PLEKHG4B: variants seen among roughly 807,000 people sequenced by gnomAD.
The protein encoded by PLEKHG4B is pleckstrin homology and RhoGEF domain containing G4B, also known as pleckstrin homology domain-containing family G member 4B.
Under a neutral mutation model 121.3 loss-of-function variants are expected in PLEKHG4B, and 111 were observed. That is an observed-to-expected ratio of 0.92 (90% CI 0.78 to 1.07). PLEKHG4B has a LOEUF of 1.07. Among genes scored for constraint, PLEKHG4B ranks in the 50% least tolerant of loss-of-function variants. PLEKHG4B has a pLI of 0.00. For missense variants in PLEKHG4B, 1,831 were observed against 1,757.8 expected, an observed-to-expected ratio of 1.04 and a Z score of -0.74; for synonymous variants, 738 against 725.0, an observed-to-expected ratio of 1.02 and a Z score of -0.29.
At chr5:169,840 G>A (rs1312245794) in intron 14 of PLEKHG4B, among the ~76,000 whole-genome samples, 1 of 152,218 alleles carries the variant, frequency 6.6e-6, no homozygotes, top group African/African-American at 2.4e-5. Flanking sequence ...CCTGGAGGCG[G>A]AGGCTCACAG....
At chr5:128,849 C>G (rs1033111766) in intron 2 of PLEKHG4B, among the ~76,000 whole-genome samples, 7 of 152,146 alleles carry the variant, frequency 4.6e-5, no homozygotes, top group Non-Finnish European at 1.0e-4. Flanking sequence ...AACAGACCCC[C>G]TCTCCCTTGG....
At chr5:120,972 T>A (rs1193779668) in intron 2 of PLEKHG4B, among the ~76,000 whole-genome samples, 1 of 152,086 alleles carries the variant, frequency 6.6e-6, no homozygotes, top group Non-Finnish European at 1.5e-5. Flanking sequence ...ATGGGCCAGG[T>A]GTGGTGGCTC....
intron 2 of PLEKHG4B, among the ~76,000 whole-genome samples, chr5:123,953 AT>A (rs1178862805): frequency 2.0e-5 from 3 of 149,962 alleles, no homozygotes; most frequent in Non-Finnish European, 4.5e-5. Context: ...TAGGTTGTTG[AT>A]TTGCGATCTT....
intron 13 of PLEKHG4B, among the ~76,000 whole-genome samples, chr5:165,689 T>C (rs1382100470): frequency 1.6e-3 from 64 of 39,736 alleles, no homozygotes; most frequent in Non-Finnish European, 3.5e-3. Context: ...CTCACACTAA[T>C]GCTCTGACGG....
chr5:102,322 T>C (rs997590607), intron 1 of PLEKHG4B, among the ~76,000 whole-genome samples: 1 of 152,198 alleles, frequency 6.6e-6, no homozygotes, highest in Non-Finnish European at 1.5e-5. Context: ...AGCTTTTTTT[T>C]TTAGGATTTG....
At position 183,062 on chromosome 5, in the gene PLEKHG4B, A is replaced by G. The variant is rs766138622; in HGVS notation, c.*739A>G. On this transcript the variant is annotated 3_prime_UTR_variant, in exon 20 of 20. Coordinates refer to ENST00000637938, the MANE Select transcript of PLEKHG4B (RefSeq NM_052909.5). ...CTCATGTGGGCTGGGGACAGGACCC[A>G]CTCCCACCAGCCAGACTAGGAAAAC... is the stretch of plus-strand genomic sequence containing the variant. The G allele has an allele frequency of 6.6e-6, 1 of 151,852 alleles. No homozygotes were observed. The highest frequency in any genetic ancestry group is 1.5e-5 in the Non-Finnish European group (1 of 68,030). 9.4% of individuals were successfully genotyped at this position (151,852 alleles called of 1,614,324 possible). A position where few individuals can be genotyped will look rare whatever the true frequency, so the allele number is the denominator to read the frequency against.
At chr5:175,662 C>T (rs1306083033) in intron 18 of PLEKHG4B, among the ~76,000 whole-genome samples, 2 of 52,384 alleles carry the variant, frequency 3.8e-5, no homozygotes, top group Non-Finnish European at 7.9e-5. Flanking sequence ...TGCACCCCGC[C>T]TGAGCCCTGA....
At chr5:129,183 C>G (rs1734706583) in intron 2 of PLEKHG4B, among the ~76,000 whole-genome samples, 3 of 152,138 alleles carry the variant, frequency 2.0e-5, no homozygotes, top group African/African-American at 7.2e-5. Context: ...TTCTCCTGAC[C>G]CAGGAGAGGG....
At chr5:95,419 G>A (rs1184932825) in intron 1 of PLEKHG4B, among the ~76,000 whole-genome samples, 3 of 152,082 alleles carry the variant, frequency 2.0e-5, no homozygotes, top group Non-Finnish European at 2.9e-5. Flanking sequence ...TCAGCCCAAA[G>A]CCTCTCCGGC....
intron 1 of PLEKHG4B, among the ~76,000 whole-genome samples, chr5:110,436 C>T (rs1242938221): frequency 6.6e-6 from 1 of 151,386 alleles, no homozygotes. Context: ...CACGTGCACA[C>T]ACCCACACAA....
At chr5:121,595 G>A (rs1379988135) in intron 2 of PLEKHG4B, among the ~76,000 whole-genome samples, 3 of 152,178 alleles carry the variant, frequency 2.0e-5, no homozygotes, top group Admixed American at 6.5e-5. Flanking sequence ...CAGGAAGCTC[G>A]TCATCACCTG....
chr5:104,760 G>A (rs1316188766), intron 1 of PLEKHG4B, among the ~76,000 whole-genome samples: 2 of 152,214 alleles, frequency 1.3e-5, no homozygotes, highest in Non-Finnish European at 1.5e-5. Flanking sequence ...AACCACCATT[G>A]CCGCTCAACT....
chr5:94,802 T>C (rs112340349), intron 1 of PLEKHG4B, among the ~76,000 whole-genome samples: 1,539 of 152,170 alleles, frequency 0.01, 36 homozygotes, highest in African/African-American at 0.035. Flanking sequence ...AACCAGCACA[T>C]CCACCCTCCA....
intron 2 of PLEKHG4B, among the ~76,000 whole-genome samples, chr5:135,711 ATATATATATATATATATG>A (rs1734963691): frequency 2.9e-5 from 3 of 105,258 alleles, no homozygotes; most frequent in Admixed American, 9.5e-5. Context: ...ATATATATAT[ATATATATATATATATATG>A]TATGTCAGTA....
At chr5:175,122 T>C (rs1736716794) in intron 18 of PLEKHG4B, among the ~76,000 whole-genome samples, 1 of 151,976 alleles carries the variant, frequency 6.6e-6, no homozygotes, top group South Asian at 2.1e-4. Flanking sequence ...CCCCCGCAGG[T>C]CTGGTTCCAT....
rs1186414982 is a variant in PLEKHG4B, at chr5:113,889, G to T, written c.243+441G>T. Among the ~76,000 whole-genome samples, 1 of 152,168 alleles carries T rather than the reference G, an allele frequency of 6.6e-6. No individual in the cohort carries two copies. The highest frequency in any genetic ancestry group is 1.5e-5 in the Non-Finnish European group (1 of 68,034). ...ACCTCAGAGCTAAGTCAGTGCAGCAGTCACTGTGCAGGCCCACCTGGAAGG... is the reference window on the plus strand; with the variant it reads ...ACCTCAGAGCTAAGTCAGTGCAGCATTCACTGTGCAGGCCCACCTGGAAGG... On this transcript the variant is annotated intron_variant, in intron 2 of 19. Coordinates refer to ENST00000637938, the MANE Select transcript of PLEKHG4B (RefSeq NM_052909.5). This position sits in a 1 kb window ranked among gnomAD's most constrained non-coding sequence, Gnocchi z 5.2.
intron 2 of PLEKHG4B, among the ~76,000 whole-genome samples, chr5:132,178 GAA>G (rs892966606): frequency 7.0e-6 from 1 of 142,372 alleles, no homozygotes; most frequent in Admixed American, 7.0e-5. Context: ...GTTACGCAAG[GAA>G]AAAAAAAAGT....
In PLEKHG4B at chr5:169,461, C is replaced by T. The variant is rs1172377145; in HGVS notation, c.3598C>T (p.Leu1200Phe). 6.2e-7 allele frequency: 1 copy of T among 1,614,238 alleles called. No individual in the cohort carries two copies. The highest frequency in any genetic ancestry group is 8.5e-7 in the Non-Finnish European group (1 of 1,180,048). Residue 1200 changes from leucine (L) to phenylalanine (F), a missense_variant, in exon 14 of 20, where the codon CTT (leucine) becomes TTT (phenylalanine). Physicochemically the swap from Leu to Phe is conservative, Grantham distance 22. Transcript: ENST00000637938. ...EMERMDLPQG[L>F]RGKHHVIFGN... ...GGAAAGAATGGACTTGCCCCAGGGCCTTCGAGGGAAGCACCACGTTATTTT... is the reference window on the plus strand; with the variant it reads ...GGAAAGAATGGACTTGCCCCAGGGCTTTCGAGGGAAGCACCACGTTATTTT...
chr5:165,697 C>T (rs867997498), intron 13 of PLEKHG4B, among the ~76,000 whole-genome samples: 8 of 32,576 alleles, frequency 2.5e-4, no homozygotes, highest in South Asian at 1.5e-3. Context: ...AATGCTCTGA[C>T]GGGGCGGAGC....
Sources: allele counts gnomAD v4.1 joint callset (sites outside exome capture counted in the v4.1 genomes callset), GRCh38; gene constraint gnomAD v4.1.1; non-coding constraint Gnocchi (gnomAD v3.1); transcripts MANE v1.5; gene names NCBI Gene and HGNC (gene_info 2026-07-23, HGNC 2026-07-21).